Variants in PHLDB2 observed in about 807,000 individuals in gnomAD.
PHLDB2 encodes pleckstrin homology like domain family B member 2.
Under a neutral mutation model 123.6 loss-of-function variants are expected in PHLDB2, and 71 were observed. The ratio of observed to expected loss-of-function variants is 0.57; its 90% CI spans 0.47 to 0.70. The LOEUF is 0.70. Ranked by LOEUF, PHLDB2 falls within the 30% of genes least tolerant of loss-of-function variation. The probability of loss-of-function intolerance (pLI) is 0.00; values close to 1 mark genes in which losing one functional copy is unlikely to be tolerated. For synonymous variants in PHLDB2, 547 were observed against 541.6 expected, an observed-to-expected ratio of 1.01 and a Z score of -0.14; for missense variants, 1,446 against 1,519.5, an observed-to-expected ratio of 0.95 and a Z score of 0.80.
At chr3:111,952,439 A>T in intron 10 of PHLDB2, 133 bp from the exon 11 acceptor site, 1 of 905,742 alleles carries the variant, frequency 1.1e-6, no homozygotes, top group African/African-American at 1.7e-5. Context: ...TGAACACAAT[A>T]TATGTTGAAT....
At chr3:111,806,733 G>C (rs1330423532) in intron 1 of PHLDB2, among the ~76,000 whole-genome samples, 1 of 151,876 alleles carries the variant, frequency 6.6e-6, no homozygotes, top group Admixed American at 6.6e-5. Context: ...TGATCCGCCT[G>C]CCTCGGCCTC....
At chr3:111,794,136 C>T (rs561187247) in intron 1 of PHLDB2, among the ~76,000 whole-genome samples, 1 of 152,250 alleles carries the variant, frequency 6.6e-6, no homozygotes, top group African/African-American at 2.4e-5. Context: ...CCCCAGACCA[C>T]TTTAGTCCAG....
chr3:111,765,890 G>GCACACA (rs573281180), intron 1 of PHLDB2, among the ~76,000 whole-genome samples: 2 of 111,234 alleles, frequency 1.8e-5, no homozygotes, highest in East Asian at 6.1e-4. Context: ...TCTTTTATAT[G>GCACACA]CACACACACA....
At chr3:111,919,022 A>G (rs776014933) in intron 3 of PHLDB2, 50 bp from the exon 4 acceptor site, 3 of 1,592,148 alleles carry the variant, frequency 1.9e-6, no homozygotes, top group Admixed American at 1.7e-5. Context: ...AAGTTGGGAA[A>G]TTCTAGAACT....
intron 16 of PHLDB2, among the ~76,000 whole-genome samples, chr3:111,970,698 A>G (rs770289878): frequency 6.6e-6 from 1 of 152,232 alleles, no homozygotes; most frequent in East Asian, 1.9e-4. Flanking sequence ...AAACATGTCT[A>G]TTTTTAGTAC....
At chr3:111,818,826 A>G (rs2062222611) in intron 1 of PHLDB2, among the ~76,000 whole-genome samples, 1 of 152,050 alleles carries the variant, frequency 6.6e-6, no homozygotes, top group African/African-American at 2.4e-5. Flanking sequence ...CTTGGTCACT[A>G]TACTAGATGC....
intron 1 of PHLDB2, among the ~76,000 whole-genome samples, chr3:111,837,637 G>A (rs2108529425): frequency 6.6e-6 from 1 of 152,240 alleles, no homozygotes; most frequent in East Asian, 1.9e-4. Context: ...GTTTTTTTAT[G>A]GGATCATTCT....
intron 1 of PHLDB2, among the ~76,000 whole-genome samples, chr3:111,878,394 A>G (rs940715412): frequency 2.0e-5 from 3 of 152,202 alleles, no homozygotes; most frequent in East Asian, 1.9e-4. Flanking sequence ...ATTTTTGCAC[A>G]TTGATTCTGT....
At chr3:111,897,518 A>G (rs1054130992) in intron 2 of PHLDB2, among the ~76,000 whole-genome samples, 1 of 152,238 alleles carries the variant, frequency 6.6e-6, no homozygotes, top group Non-Finnish European at 1.5e-5. Context: ...GTGAAGTCTA[A>G]TGACTGCAGG....
rs1021640781 is a variant in PHLDB2 at position 111,822,709 on chromosome 3, C to T, written c.-48-23112C>T. 4.6e-5 allele frequency among the ~76,000 whole-genome samples: 7 copies of T among 152,142 alleles called. No individual in the cohort carries two copies. The East Asian group carries it at 7.7e-4, about 17-fold the overall frequency. ...ACGTCAAAGGAAATTAAGCTAACAA[C>T]GTGAGCTCTTCTCTTATTCCAATCT... is the stretch of plus-strand genomic sequence containing the variant. On this transcript the variant is annotated intron_variant, in intron 1 of 17. Transcript: ENST00000393923.
intron 1 of PHLDB2, among the ~76,000 whole-genome samples, chr3:111,842,984 G>A (rs2063760592): frequency 6.6e-6 from 1 of 152,098 alleles, no homozygotes; most frequent in South Asian, 2.1e-4. Flanking sequence ...GATAAATCAC[G>A]CTTTATCCAT....
chr3:111,773,151 T>G (rs1559823448), intron 1 of PHLDB2, among the ~76,000 whole-genome samples: 1 of 152,214 alleles, frequency 6.6e-6, no homozygotes, highest in Non-Finnish European at 1.5e-5. Context: ...AGTGCTCTGA[T>G]AGCATCGCTC....
rs940998315 is a variant in PHLDB2, at chr3:111,920,320, A to G, written c.1902A>G (p.Lys634=). The G allele has an allele frequency of 6.2e-7, 1 of 1,613,948 alleles. No homozygotes were observed. The highest frequency in any genetic ancestry group is 8.5e-7 in the Non-Finnish European group (1 of 1,179,962). Residue 634 remains lysine (K), a synonymous_variant, in exon 5 of 18, where the codon AAA becomes AAG. Coordinates refer to ENST00000431670, the MANE Select transcript of PHLDB2 (RefSeq NM_001134438.2). ...GTGCTCTTTTGGATGGAGAACAGAAATCTGAAACAACTGAACTTATGAAGG... is the reference window on the plus strand; with the variant it reads ...GTGCTCTTTTGGATGGAGAACAGAAGTCTGAAACAACTGAACTTATGAAGG... The part of the protein sequence containing the change: ...MECALLDGEQ[K]SETTELMKEK...
At chr3:111,872,133 T>C (rs995572754) in intron 1 of PHLDB2, among the ~76,000 whole-genome samples, 1 of 152,214 alleles carries the variant, frequency 6.6e-6, no homozygotes, top group African/African-American at 2.4e-5. Flanking sequence ...CTGTGTTGCC[T>C]TTTCTCTCAG....
chr3:111,789,110 C>A (rs2060808678), intron 1 of PHLDB2, among the ~76,000 whole-genome samples: 1 of 152,196 alleles, frequency 6.6e-6, no homozygotes, highest in South Asian at 2.1e-4. Flanking sequence ...ATCGTCACTG[C>A]AGGTATTTTT....
chr3:111,781,017 T>C (rs2060453946), intron 1 of PHLDB2, among the ~76,000 whole-genome samples: 1 of 152,080 alleles, frequency 6.6e-6, no homozygotes, highest in Non-Finnish European at 1.5e-5. Flanking sequence ...TCGTCATCCA[T>C]TATGTTTGTG....
At chr3:111,934,647 T>C (rs1038108526) in intron 6 of PHLDB2, among the ~76,000 whole-genome samples, 2 of 152,250 alleles carry the variant, frequency 1.3e-5, no homozygotes, top group African/African-American at 4.8e-5. Flanking sequence ...TTTCATCTGA[T>C]ATTGGTTTTG....
intron 1 of PHLDB2, among the ~76,000 whole-genome samples, chr3:111,822,295 ATGTG>A (rs35687126): frequency 6.9e-6 from 1 of 144,032 alleles, no homozygotes; most frequent in African/African-American, 2.7e-5. Flanking sequence ...ATCTTTATGT[ATGTG>A]TGTGTGTGTG....
chr3:111,875,782 C>T (rs1179097643), intron 1 of PHLDB2, among the ~76,000 whole-genome samples: 4 of 148,980 alleles, frequency 2.7e-5, no homozygotes, highest in African/African-American at 5.0e-5. Flanking sequence ...GAGAATGTAC[C>T]GTTGCATTCC....
Sources: allele counts gnomAD v4.1 joint callset (sites outside exome capture counted in the v4.1 genomes callset), GRCh38; gene constraint gnomAD v4.1.1; transcripts MANE v1.5; gene names NCBI Gene and HGNC (gene_info 2026-07-23, HGNC 2026-07-21).